The following SUV39H2 variants were observed in gnomAD, a reference collection of about 807,000 sequenced individuals.
SUV39H2 encodes the protein histone-lysine N-methyltransferase SUV39H2.
In SUV39H2, 10 loss-of-function variants were observed where a neutral mutation model predicts 47.5. The observed-to-expected ratio is 0.21, with a 90% confidence interval of 0.13 to 0.36. SUV39H2 has a LOEUF of 0.36. SUV39H2 is among the 10% of genes least tolerant of loss of function. The probability of loss-of-function intolerance (pLI) is 1.00; values close to 1 mark genes in which losing one functional copy is unlikely to be tolerated. For synonymous variants in SUV39H2, 159 were observed against 166.8 expected, an observed-to-expected ratio of 0.95 and a Z score of 0.36; for missense variants, 266 against 487.4, an observed-to-expected ratio of 0.55 and a Z score of 4.28.
intron 1 of SUV39H2, among the ~76,000 whole-genome samples, chr10:14,880,269 G>C (rs2131666273): frequency 6.6e-6 from 1 of 152,274 alleles, no homozygotes; most frequent in Non-Finnish European, 1.5e-5. Flanking sequence ...TAGAAATTAT[G>C]CTTAAGGGTT....
chr10:14,897,015 A>G lies in SUV39H2; in HGVS notation c.347A>G (p.Asn116Ser). 1 of 1,614,158 alleles carries G rather than the reference A, an allele frequency of 6.2e-7. No homozygotes were observed. Residue 116 changes from asparagine (N) to serine (S), a missense_variant, in exon 3 of 6, where the codon AAC becomes AGC. Around this residue, in one of 4 missense-constraint regions of SUV39H2, gnomAD observed 91 missense variants for 110.9 expected, o/e 0.82. Coordinates refer to ENST00000354919, the MANE Select transcript of SUV39H2 (RefSeq NM_001193424.2). ...AAAGCAATAACTCCAAAAGACAATA[A>G]CAAAACTTTGAAACCTGCCATTGCT... ...KGKAITPKDN[N>S]KTLKPAIAEY... is the part of the protein sequence containing the mutation.
chr10:14,878,977 C>A (rs1832955219), intron 1 of SUV39H2, 58 bp downstream of exon 1: 1 of 1,365,772 alleles, frequency 7.3e-7, no homozygotes, highest in Middle Eastern at 2.4e-4. Flanking sequence ...TCCCAAGGCC[C>A]GGGCGGCGGG....
chr10:14,901,389 T>C, intron 5 of SUV39H2, 127 bp downstream of exon 5: 2 of 1,277,074 alleles, frequency 1.6e-6, no homozygotes, highest in Admixed American at 2.1e-5. Context: ...GCACTAAGTT[T>C]GTCATCCTAA....
intron 2 of SUV39H2, among the ~76,000 whole-genome samples, chr10:14,881,892 T>G (rs1564333503): frequency 1.3e-5 from 2 of 152,228 alleles, no homozygotes; most frequent in Non-Finnish European, 2.9e-5. Context: ...CTTGATTATC[T>G]CCGTGTGGGT....
chr10:14,893,610 A>T (rs1281037117), intron 2 of SUV39H2, among the ~76,000 whole-genome samples: 1 of 152,238 alleles, frequency 6.6e-6, no homozygotes, highest in Non-Finnish European at 1.5e-5. Context: ...TTTTTCAAAG[A>T]GGAAATATCT....
In SUV39H2 at chr10:14,878,926, C is replaced by G. The variant is rs1468244905; in HGVS notation, c.31+7C>G. On this transcript the variant is annotated splice_region_variant and intron_variant, in intron 1 of 5. Coordinates refer to ENST00000354919, the MANE Select transcript of SUV39H2 (RefSeq NM_001193424.2). ...GGGGCCGAGGCGCGAGGAGGTGAGGCTGGAGCGCGGCCCCCTCGCCTTCCC... is the reference window on the plus strand; with the variant it reads ...GGGGCCGAGGCGCGAGGAGGTGAGGGTGGAGCGCGGCCCCCTCGCCTTCCC... 1 of 1,470,556 alleles carries G rather than the reference C, an allele frequency of 6.8e-7. No homozygotes were observed. 91.1% of individuals were successfully genotyped at this position (1,470,556 alleles called of 1,614,324 possible).
chr10:14,894,355 G>GTTTTTTTTTT (rs35812740), intron 2 of SUV39H2, among the ~76,000 whole-genome samples: 1 of 58,096 alleles, frequency 1.7e-5, no homozygotes, highest in Non-Finnish European at 3.1e-5. Context: ...AGAAAGCAAA[G>GTTTTTTTTTT]TTTTTTTTTT....
chr10:14,888,610 T>C (rs1833287645), intron 2 of SUV39H2, among the ~76,000 whole-genome samples: 1 of 150,604 alleles, frequency 6.6e-6, no homozygotes, highest in South Asian at 2.1e-4. Flanking sequence ...CACTCCAACC[T>C]GGTGACAGAG....
intron 5 of SUV39H2, among the ~76,000 whole-genome samples, chr10:14,902,145 T>A (rs936433760): frequency 1.3e-5 from 2 of 152,234 alleles, no homozygotes; most frequent in Non-Finnish European, 2.9e-5. Context: ...TATGGGCTAA[T>A]AACATAAAGT....
intron 1 of SUV39H2, chr10:14,880,093 A>G (rs1366318548): frequency 1.3e-5 from 2 of 152,010 alleles, no homozygotes; most frequent in African/African-American, 4.8e-5. Flanking sequence ...AACGTTCTCT[A>G]GTTTTTGTAG....
intron 1 of SUV39H2, among the ~76,000 whole-genome samples, chr10:14,879,381 A>G (rs1206576762): frequency 2.0e-5 from 3 of 152,294 alleles, no homozygotes; most frequent in African/African-American, 7.2e-5. Context: ...CATGACCTTA[A>G]TATCAGAGGG....
chr10:14,887,675 C>T (rs2131679355), intron 2 of SUV39H2, among the ~76,000 whole-genome samples: 1 of 152,296 alleles, frequency 6.6e-6, no homozygotes, highest in Admixed American at 6.5e-5. Flanking sequence ...CTACCATGTC[C>T]TGCACTAGGA....
At chr10:14,899,125 G>C (rs1833810172) in intron 3 of SUV39H2, 1 of 666,698 alleles carries the variant, frequency 1.5e-6, no homozygotes, top group South Asian at 1.6e-5. Flanking sequence ...TTCCAGACCA[G>C]TGTGGGCAAC....
chr10:14,886,856 C>T (rs1036229232), intron 2 of SUV39H2, among the ~76,000 whole-genome samples: 4 of 152,210 alleles, frequency 2.6e-5, no homozygotes, highest in Non-Finnish European at 4.4e-5. Context: ...GTGGGAGGTG[C>T]ACCTTGGATA....
In SUV39H2 at chr10:14,903,143, G is replaced by T. The variant is rs1834134368; in HGVS notation, c.*631G>T. On this transcript the variant is annotated 3_prime_UTR_variant, in exon 6 of 6. Transcript: ENST00000354919. ...ATCTAGACTGTTGTGATGAGTGTAT[G>T]TCTGAACCTGTAATTCTTAAAAGAC... 6.6e-6 allele frequency: 1 copy of T among 152,192 alleles called. No individual in the cohort carries two copies. Among genetic ancestry groups the T allele is most frequent in the Admixed American group, 6.5e-5 (1 of 15,272 alleles). The allele number at this position is 152,192 out of a possible 1,614,324, so 9.4% of individuals were successfully genotyped here. A position where few individuals can be genotyped will look rare whatever the true frequency, so the allele number is the denominator to read the frequency against.
At chr10:14,899,755 A>G (rs1331080591) in intron 4 of SUV39H2, 70 bp downstream of exon 4, 7 of 1,534,842 alleles carry the variant, frequency 4.6e-6, no homozygotes, top group Admixed American at 3.9e-5. Flanking sequence ...ATAGCTAAAG[A>G]ATAATTCCCT....
chr10:14,893,983 C>CA (rs796863294), intron 2 of SUV39H2, among the ~76,000 whole-genome samples: 6 of 151,008 alleles, frequency 4.0e-5, no homozygotes, highest in African/African-American at 1.5e-4. Flanking sequence ...ACACTGTAGC[C>CA]AAAAAAAAGA....
chr10:14,882,748 T>C (rs1247063007), intron 2 of SUV39H2, among the ~76,000 whole-genome samples: 1 of 152,134 alleles, frequency 6.6e-6, no homozygotes, highest in Non-Finnish European at 1.5e-5. Flanking sequence ...CAATGAAAAA[T>C]AGGATCTTTC....
chr10:14,879,203 C>T (rs1295433832), intron 1 of SUV39H2: 2 of 1,035,126 alleles, frequency 1.9e-6, no homozygotes, highest in Admixed American at 4.7e-5. Context: ...GCCCCCTCCG[C>T]GTCTCCCGTG....
Sources: gnomAD v4.1 joint callset for allele counts (sites outside exome capture counted in the v4.1 genomes callset) on GRCh38, gnomAD v4.1.1 for gene constraint, gnomAD v4.1.1 regional missense constraint, MANE v1.5 for transcripts, NCBI Gene and HGNC (gene_info 2026-07-23, HGNC 2026-07-21) for gene names.